The following PLD5 variants were observed in gnomAD, a reference collection of about 807,000 sequenced individuals.
The protein encoded by PLD5 is phospholipase D family member 5.
In PLD5, 36 loss-of-function variants were observed where a neutral mutation model predicts 61.1. The observed-to-expected ratio is 0.59, with a 90% CI of 0.45 to 0.78. The LOEUF (loss-of-function observed/expected upper bound fraction) is 0.78. Among genes scored for constraint, PLD5 ranks in the 30% least tolerant of loss-of-function variants. The pLI, the probability that PLD5 is intolerant of heterozygous loss-of-function variation, is 0.00. For missense variants in PLD5, 515 were observed against 644.4 expected (o/e 0.80, Z 2.17); for synonymous variants, 243 against 242.8 (o/e 1.00, Z -0.01).
chr1:242,313,046 G>A (rs538542844), intron 2 of PLD5, among the ~76,000 whole-genome samples: 1 of 152,248 alleles, frequency 6.6e-6, no homozygotes, highest in Non-Finnish European at 1.5e-5. Context: ...ACTACACAGG[G>A]TTTTCCAGAT....
chr1:242,212,098 A>G (rs1669860650), intron 5 of PLD5, among the ~76,000 whole-genome samples: 1 of 152,170 alleles, frequency 6.6e-6, no homozygotes, highest in Non-Finnish European at 1.5e-5. Flanking sequence ...TATACACAGA[A>G]GAGCCTAAAA....
intron 3 of PLD5, among the ~76,000 whole-genome samples, chr1:242,273,419 G>A (rs1219872097): frequency 4.6e-5 from 7 of 152,186 alleles, no homozygotes; most frequent in South Asian, 2.1e-4. Context: ...AATTCAGTTC[G>A]AAACAGTTAA....
At chr1:242,142,171 G>C (rs1363584891) in intron 5 of PLD5, among the ~76,000 whole-genome samples, 1 of 152,166 alleles carries the variant, frequency 6.6e-6, no homozygotes, top group Admixed American at 6.5e-5. Context: ...TCTCCTCAGA[G>C]GACAGCTTAA....
intron 5 of PLD5, among the ~76,000 whole-genome samples, chr1:242,217,127 C>T (rs531774050): frequency 8.5e-5 from 13 of 152,130 alleles, no homozygotes; most frequent in Non-Finnish European, 1.2e-4. Context: ...ATAGCTCTGA[C>T]GAAGATGGGC....
At chr1:242,377,292 C>T (rs1662022017) in intron 1 of PLD5, 119 of 1,607,850 alleles carry the variant, frequency 7.4e-5, no homozygotes, top group Non-Finnish European at 9.9e-5. Flanking sequence ...GGTGAAGCCA[C>T]ACACGGCACA....
At chr1:242,355,178 G>A (rs1237823916) in intron 1 of PLD5, among the ~76,000 whole-genome samples, 3 of 152,148 alleles carry the variant, frequency 2.0e-5, no homozygotes, top group African/African-American at 7.2e-5. Context: ...GATTTTTTTA[G>A]AAAAGTCAGT....
At chr1:242,402,254 T>C (rs909510320) in intron 1 of PLD5, among the ~76,000 whole-genome samples, 2 of 152,200 alleles carry the variant, frequency 1.3e-5, no homozygotes, top group African/African-American at 4.8e-5. Context: ...CACAGTTTTA[T>C]CACTTCCACC....
intron 1 of PLD5, among the ~76,000 whole-genome samples, chr1:242,418,464 G>A (rs1310774641): frequency 6.6e-6 from 1 of 152,120 alleles, no homozygotes; most frequent in South Asian, 2.1e-4. Context: ...TATTTACAGG[G>A]AGGTGTTTGG....
chr1:242,524,009 G>T, intron 1 of PLD5, 79 bp downstream of exon 1: 5 of 1,413,814 alleles, frequency 3.5e-6, no homozygotes, highest in Non-Finnish European at 4.7e-6. Flanking sequence ...CGCGCCCCGC[G>T]CGCGCTCATG....
chr1:242,345,764 A>G, intron 2 of PLD5: 2 of 605,194 alleles, frequency 3.3e-6, no homozygotes, highest in Non-Finnish European at 6.1e-6. Flanking sequence ...TGGTGAAACA[A>G]CAGGTTGGAA....
chr1:242,189,373 A>T (rs1558322212), intron 5 of PLD5, among the ~76,000 whole-genome samples: 1 of 148,676 alleles, frequency 6.7e-6, no homozygotes, highest in Non-Finnish European at 1.5e-5. Context: ...TTGAACCCAG[A>T]AGGCAGAGGT....
chr1:242,484,757 A>C (rs1353875500), intron 1 of PLD5, among the ~76,000 whole-genome samples: 2 of 152,216 alleles, frequency 1.3e-5, no homozygotes, highest in African/African-American at 4.8e-5. Flanking sequence ...ACACAGCAAA[A>C]AAAGAGAATT....
At chr1:242,387,923 GTTGT>G (rs1166648453) in intron 1 of PLD5, among the ~76,000 whole-genome samples, 2 of 152,000 alleles carry the variant, frequency 1.3e-5, no homozygotes, top group African/African-American at 4.8e-5. Flanking sequence ...TGTTTGCTAG[GTTGT>G]TTGTTTACTG....
At chr1:242,136,689 C>G (rs1663757450) in intron 5 of PLD5, among the ~76,000 whole-genome samples, 1 of 152,174 alleles carries the variant, frequency 6.6e-6, no homozygotes, top group South Asian at 2.1e-4. Context: ...CACATCCAAC[C>G]AACCTCTCTT....
chr1:242,356,598 T>C (rs1414429979), intron 1 of PLD5, among the ~76,000 whole-genome samples: 1 of 152,076 alleles, frequency 6.6e-6, no homozygotes, highest in Non-Finnish European at 1.5e-5. Flanking sequence ...TGCCATTTTG[T>C]TGTTTTCTGG....
At chr1:242,191,095 G>A (rs1354043900) in intron 5 of PLD5, among the ~76,000 whole-genome samples, 1 of 150,530 alleles carries the variant, frequency 6.6e-6, no homozygotes, top group African/African-American at 2.4e-5. Context: ...ATGGATCCCT[G>A]GAAAATCCCC....
chr1:242,471,118 C>T (rs1347455709), intron 1 of PLD5, among the ~76,000 whole-genome samples: 1 of 152,204 alleles, frequency 6.6e-6, no homozygotes, highest in African/African-American at 2.4e-5. Flanking sequence ...CCTTTCACCT[C>T]CTTAGACTCC....
At position 242,159,136 on chromosome 1, in the gene PLD5, A is replaced by T. The variant is rs192374403; in HGVS notation, c.736-34471T>A. Among the ~76,000 whole-genome samples the T allele has an allele frequency of 2.6e-4, 39 of 152,134 alleles. No individual in the cohort carries two copies. The East Asian group carries it at 7.5e-3, about 29-fold the overall frequency. ...ATACGCCCCATGACTTTAAGGAAAG[A>T]TGGACATCTTGTATAAGACAGTATA... is the stretch of plus-strand genomic sequence containing the variant. On this transcript the variant is annotated intron_variant, in intron 5 of 9. Transcript: ENST00000536534.
chr1:242,192,189 C>T (rs1574486458), intron 5 of PLD5: 1 of 152,334 alleles, frequency 6.6e-6, no homozygotes, highest in East Asian at 1.9e-4. Flanking sequence ...ACCATGTCCC[C>T]ATCAGCCACT....
Sources: allele counts gnomAD v4.1 joint callset (sites outside exome capture counted in the v4.1 genomes callset), GRCh38; gene constraint gnomAD v4.1.1; transcripts MANE v1.5; gene names NCBI Gene and HGNC (gene_info 2026-07-23, HGNC 2026-07-21).